Variants in RPH3A observed in about 807,000 individuals in gnomAD.
RPH3A encodes rabphilin 3A, also known as rabphilin-3A.
RPH3A carries 48 observed loss-of-function variants against 102.2 expected under a neutral mutation model. The ratio of observed to expected loss-of-function variants is 0.47; its 90% confidence interval spans 0.37 to 0.60. RPH3A has a LOEUF of 0.60. RPH3A is among the 20% of genes least tolerant of loss of function. The pLI, the probability that RPH3A is intolerant of heterozygous loss-of-function variation, is 0.00. For missense variants in RPH3A, 781 were observed against 910.1 expected, an observed-to-expected ratio of 0.86 and a Z score of 1.83; for synonymous variants, 310 against 324.3, an observed-to-expected ratio of 0.96 and a Z score of 0.47.
intron 5 of RPH3A, among the ~76,000 whole-genome samples, chr12:112,856,895 C>T (rs182042567): frequency 1.3e-5 from 2 of 152,084 alleles, no homozygotes; most frequent in Non-Finnish European, 2.9e-5. Flanking sequence ...AATTGAAGCT[C>T]GGAAAGGTTA....
chr12:112,896,863 C>G lies in RPH3A; in HGVS notation c.*83C>G. ...CCCACCGCACCCTGATCTCTCTTCTCTATGCCTACCTCCCCCCATACCCTG... is the reference window on the plus strand; with the variant it reads ...CCCACCGCACCCTGATCTCTCTTCTGTATGCCTACCTCCCCCCATACCCTG... On this transcript the variant is annotated 3_prime_UTR_variant, in exon 22 of 22. Coordinates refer to ENST00000389385, the MANE Select transcript of RPH3A (RefSeq NM_001143854.2). 2 of 1,481,284 alleles carry G rather than the reference C, an allele frequency of 1.4e-6. No individual in the cohort carries two copies. The highest frequency in any genetic ancestry group is 2.3e-5 in the East Asian group (1 of 43,494). 91.8% of individuals were successfully genotyped at this position (1,481,284 alleles called of 1,614,324 possible).
chr12:112,846,950 A>G (rs1374427484), intron 4 of RPH3A, among the ~76,000 whole-genome samples: 1 of 152,282 alleles, frequency 6.6e-6, no homozygotes, highest in Middle Eastern at 3.4e-3. Context: ...TCCTTGAGCA[A>G]GTGCTCTAAT....
At chr12:112,758,300 C>G in intron 1 of RPH3A, among the ~76,000 whole-genome samples, 1 of 152,186 alleles carries the variant, frequency 6.6e-6, no homozygotes, top group African/African-American at 2.4e-5. Flanking sequence ...TTTTTTTCCT[C>G]ACTCTTACTT....
intron 2 of RPH3A, among the ~76,000 whole-genome samples, chr12:112,814,298 T>C (rs1431629889): frequency 1.3e-5 from 2 of 152,108 alleles, no homozygotes; most frequent in Admixed American, 1.3e-4. Context: ...TGGGGCATTT[T>C]AACCACATAT....
In RPH3A at chr12:112,876,664, G is replaced by A; in HGVS notation, c.969G>A (p.Gly323=). The change falls in exon 13 of 22, where the codon GGG becomes GGA. Residue 323 remains glycine (G), a synonymous_variant. Coordinates refer to ENST00000389385, the MANE Select transcript of RPH3A (RefSeq NM_001143854.2). ...CAGAGGTGGCTCCGAGCGACCCTGG[G>A]ACCACTGCCCCACCCCGAGAGGAGA... is the stretch of plus-strand genomic sequence containing the variant. ...QKPEVAPSDP[G]TTAPPREERT... 1.2e-6 allele frequency: 2 copies of A among 1,611,792 alleles called. No homozygotes were observed. The highest frequency in any genetic ancestry group is 2.2e-5 in the South Asian group (2 of 90,582).
chr12:112,784,117 A>G (rs1234650402), intron 1 of RPH3A, among the ~76,000 whole-genome samples: 2 of 152,198 alleles, frequency 1.3e-5, no homozygotes, highest in African/African-American at 4.8e-5. Context: ...GCTCCTTTTG[A>G]AAATGTAGAT....
chr12:112,779,439 A>G (rs759816978), intron 1 of RPH3A, among the ~76,000 whole-genome samples: 1 of 152,224 alleles, frequency 6.6e-6, no homozygotes. Context: ...TGGGGCCTTC[A>G]GTCAATTAAG....
chr12:112,657,041 G>A (rs768699136), intron 1 of RPH3A, among the ~76,000 whole-genome samples: 1 of 152,000 alleles, frequency 6.6e-6, no homozygotes, highest in African/African-American at 2.4e-5. Context: ...TTCCATAAAG[G>A]TTGTTCTAAT....
At chr12:112,743,269 G>A (rs769634846) in intron 1 of RPH3A, among the ~76,000 whole-genome samples, 3 of 152,330 alleles carry the variant, frequency 2.0e-5, no homozygotes, top group Non-Finnish European at 2.9e-5. Flanking sequence ...CTACCGCAGC[G>A]TGGAACACTC....
At chr12:112,723,590 G>A (rs1327854378) in intron 1 of RPH3A, among the ~76,000 whole-genome samples, 2 of 152,056 alleles carry the variant, frequency 1.3e-5, no homozygotes, top group Non-Finnish European at 2.9e-5. Flanking sequence ...ATTTTGTATG[G>A]GTCCCATGGA....
chr12:112,878,303 T>C (rs988564264), intron 13 of RPH3A, among the ~76,000 whole-genome samples: 2 of 152,162 alleles, frequency 1.3e-5, no homozygotes, highest in Non-Finnish European at 2.9e-5. Context: ...CCACCAAGCA[T>C]AGATGAGTCC....
At position 112,868,543 on chromosome 12, in the gene RPH3A, C is replaced by A; in HGVS notation, c.558C>A (p.Ala186=). The A allele has an allele frequency of 1.2e-6, 2 of 1,614,122 alleles. No homozygotes were observed. The change falls in exon 8 of 22, where the codon GCC becomes GCA. Residue 186 remains alanine, a synonymous_variant. Coordinates refer to ENST00000389385, the MANE Select transcript of RPH3A (RefSeq NM_001143854.2). ...AGCAGCCTGTCAGTGAGCCTGCTGCCCCTGAACAGCCTGCTCCTGAGCCCA... is the reference window on the plus strand; with the variant it reads ...AGCAGCCTGTCAGTGAGCCTGCTGCACCTGAACAGCCTGCTCCTGAGCCCA... The part of the protein sequence containing the change: ...KPQQPVSEPA[A]PEQPAPEPKH...
intron 1 of RPH3A, among the ~76,000 whole-genome samples, chr12:112,739,518 C>T (rs1022457728): frequency 6.6e-6 from 1 of 152,170 alleles, no homozygotes; most frequent in African/African-American, 2.4e-5. Flanking sequence ...GTCATCTGGC[C>T]TCCCCCATTT....
intron 9 of RPH3A, 29 bp from the exon 10 acceptor site, chr12:112,869,864 C>G (rs1178708452): frequency 6.2e-7 from 1 of 1,614,146 alleles, no homozygotes; most frequent in South Asian, 1.1e-5. Flanking sequence ...GATGCCCTTT[C>G]TCTACTCAAT....
chr12:112,606,200 C>T (rs761446215), intron 1 of RPH3A, among the ~76,000 whole-genome samples: 8 of 152,076 alleles, frequency 5.3e-5, no homozygotes, highest in African/African-American at 9.7e-5. Flanking sequence ...TCTTGTGAAA[C>T]GAGAACAGGT....
At chr12:112,612,172 G>C (rs543011855) in intron 1 of RPH3A, among the ~76,000 whole-genome samples, 1 of 152,192 alleles carries the variant, frequency 6.6e-6, no homozygotes, top group East Asian at 1.9e-4. Flanking sequence ...TATTTTTTGG[G>C]GGGGTGGGCT....
In RPH3A at chr12:112,713,023, C is replaced by CTCTTCCTCTTCTTCT. The variant is rs1473414104; in HGVS notation, c.-139-79115_-139-79114insCTCTTCTTCTTCTTC. Among the ~76,000 whole-genome samples the CTCTTCCTCTTCTTCT allele has an allele frequency of 1.2e-3, 64 of 52,792 alleles. 1 individual carries two copies. Among genetic ancestry groups the CTCTTCCTCTTCTTCT allele is most frequent in the East Asian group, 8.8e-3 (12 of 1,364 alleles). The allele number at this position is 52,792 out of a possible 152,430, so 34.6% of individuals were successfully genotyped here. ...CCTCTTCCTCTTCCTCTTCCTCTTC[C>CTCTTCCTCTTCTTCT]TCTTCTTCTTCTTCTTCTTCTTCTT... On this transcript the variant is annotated intron_variant, in intron 1 of 21. Coordinates refer to the RPH3A transcript ENST00000543106.
chr12:112,883,238 C>T (rs1410484924), intron 15 of RPH3A, 55 bp from the exon 16 acceptor site: 10 of 1,438,610 alleles, frequency 7.0e-6, no homozygotes, highest in Non-Finnish European at 9.7e-6. Flanking sequence ...GATGGGGTTC[C>T]AGGACTGGCT....
chr12:112,581,364 G>A (rs1199985228), intron 1 of RPH3A, among the ~76,000 whole-genome samples: 1 of 152,106 alleles, frequency 6.6e-6, no homozygotes, highest in Non-Finnish European at 1.5e-5. Context: ...GAAAAACATG[G>A]GAAAGACCTG....
Sources: allele counts gnomAD v4.1 joint callset (sites outside exome capture counted in the v4.1 genomes callset), GRCh38; gene constraint gnomAD v4.1.1; transcripts MANE v1.5; gene names NCBI Gene and HGNC (gene_info 2026-07-23, HGNC 2026-07-21).